AFAP1L2: variants seen among roughly 807,000 people sequenced by gnomAD.
AFAP1L2 encodes actin filament associated protein 1 like 2.
A neutral mutation model predicts 99.3 loss-of-function variants in AFAP1L2; 46 were observed. The observed-to-expected ratio is 0.46, with a 90% CI of 0.37 to 0.59. The LOEUF is 0.59. Ranked by LOEUF, AFAP1L2 falls within the 20% of genes least tolerant of loss-of-function variation. The pLI is 0.00. For synonymous variants in AFAP1L2, 397 were observed against 419.1 expected, an observed-to-expected ratio of 0.95 and a Z score of 0.64; for missense variants, 959 against 1,034.9, an observed-to-expected ratio of 0.93 and a Z score of 1.01.
chr10:114,334,343 A>G (rs990221916), intron 2 of AFAP1L2, among the ~76,000 whole-genome samples: 1 of 152,158 alleles, frequency 6.6e-6, no homozygotes, highest in Non-Finnish European at 1.5e-5. Context: ...CTTCATCAAA[A>G]TCCTCTTGAA....
In AFAP1L2 at chr10:114,382,656, C is replaced by T. The variant is rs146949485; in HGVS notation, c.16+21784G>A. Among the ~76,000 whole-genome samples the T allele has an allele frequency of 4.1e-3, 552 of 135,910 alleles. 4 individuals carry two copies. The highest frequency in any genetic ancestry group is 0.015 in the African/African-American group (525 of 35,598). The allele number at this position is 135,910 out of a possible 152,430, so 89.2% of individuals were successfully genotyped here. On this transcript the variant is annotated intron_variant, in intron 1 of 18. Coordinates refer to ENST00000304129, the MANE Select transcript of AFAP1L2 (RefSeq NM_001001936.3). ...TTGCCCAGGCTGGAGTGCAATGGCACGATCTCAGCTCACTGCCCAACCTCT... is the reference window on the plus strand; with the variant it reads ...TTGCCCAGGCTGGAGTGCAATGGCATGATCTCAGCTCACTGCCCAACCTCT...
intron 1 of AFAP1L2, among the ~76,000 whole-genome samples, chr10:114,373,414 T>C (rs1224216976): frequency 6.6e-6 from 1 of 152,094 alleles, no homozygotes; most frequent in African/African-American, 2.4e-5. Flanking sequence ...TCACCTGAGG[T>C]CAGGTGTTCA....
chr10:114,400,702 T>G (rs1430613311), intron 1 of AFAP1L2, among the ~76,000 whole-genome samples: 1 of 152,210 alleles, frequency 6.6e-6, no homozygotes. Context: ...ACATTTCATG[T>G]TTTTTGGAGG....
intron 1 of AFAP1L2, chr10:114,398,794 G>T (rs1053694375): frequency 7.7e-7 from 1 of 1,293,230 alleles, no homozygotes; most frequent in African/African-American, 1.5e-5. Flanking sequence ...CTGCACCCTC[G>T]GGAGCCCTGG....
intron 2 of AFAP1L2, 56 bp from the exon 3 acceptor site, chr10:114,333,351 C>T (rs531797988): frequency 2.1e-6 from 3 of 1,400,084 alleles, no homozygotes; most frequent in East Asian, 2.3e-5. Context: ...AAAGGGCCTC[C>T]AGCTAGAAAC....
downstream of AFAP1L2, among the ~76,000 whole-genome samples, chr10:114,293,896 T>C (rs1284945797): frequency 6.6e-6 from 1 of 152,252 alleles, no homozygotes; most frequent in East Asian, 1.9e-4. Flanking sequence ...TGAAGTAGCA[T>C]GTATCCATAT....
chr10:114,352,594 C>T lies in AFAP1L2; in HGVS notation c.17-11863G>A, dbSNP rs117145340. Among the ~76,000 whole-genome samples, 1,514 of 151,606 alleles carry T rather than the reference C, an allele frequency of 1.0e-2. 12 individuals carry two copies. Among genetic ancestry groups the T allele is most frequent in the Middle Eastern group, 0.027 (8 of 292 alleles). On this transcript the variant is annotated intron_variant, in intron 1 of 18. Coordinates refer to ENST00000304129, the MANE Select transcript of AFAP1L2 (RefSeq NM_001001936.3). ...AGGTGAGGAGGAATTTGGGTTAAAC[C>T]CTTGCAGGAAACCACCTTCATAGAA... is the stretch of plus-strand genomic sequence containing the variant.
intron 1 of AFAP1L2, among the ~76,000 whole-genome samples, chr10:114,381,278 A>C (rs1223594614): frequency 6.6e-6 from 1 of 152,252 alleles, no homozygotes; most frequent in East Asian, 1.9e-4. Context: ...GAAGTCTGTC[A>C]CAAGAGTCTA....
At chr10:114,286,429 T>C in the AFAP1L2 span, 1 of 1,613,642 alleles carries the variant, frequency 6.2e-7, no homozygotes, top group Non-Finnish European at 8.5e-7. Context: ...GCCCAAAGCA[T>C]GTGATGGTCT....
At chr10:114,291,104 G>T, downstream of AFAP1L2, 1 of 1,225,380 alleles carries the variant, frequency 8.2e-7, no homozygotes, top group Non-Finnish European at 1.2e-6. Flanking sequence ...CTTCTGCTGG[G>T]GGCGAGGTGG....
intron 1 of AFAP1L2, among the ~76,000 whole-genome samples, chr10:114,383,611 C>T (rs1449394937): frequency 6.6e-6 from 1 of 152,142 alleles, no homozygotes; most frequent in Non-Finnish European, 1.5e-5. Flanking sequence ...CACTGAACTC[C>T]TTACAGAGTG....
upstream of AFAP1L2, chr10:114,404,592 G>A: frequency 3.1e-6 from 4 of 1,284,630 alleles, no homozygotes; most frequent in Non-Finnish European, 4.0e-6. Context: ...GGGCCGCCGC[G>A]CCCAGGGTCC....
chr10:114,332,706 A>C (rs2047414073), intron 3 of AFAP1L2, among the ~76,000 whole-genome samples: 2 of 152,240 alleles, frequency 1.3e-5, no homozygotes, highest in South Asian at 4.1e-4. Flanking sequence ...GGAAAAGCAG[A>C]GAGCAGAACA....
intron 1 of AFAP1L2, among the ~76,000 whole-genome samples, chr10:114,387,155 T>G (rs1008937240): frequency 6.6e-6 from 1 of 152,210 alleles, no homozygotes; most frequent in African/African-American, 2.4e-5. Flanking sequence ...CACTGCAGGC[T>G]TCCCTCAGCC....
Position 114,315,950 on chromosome 10 carries a change from C to T in AFAP1L2, c.407-185G>A, listed in dbSNP as rs74157586. 7.9e-3 allele frequency among the ~76,000 whole-genome samples: 1,202 copies of T among 152,332 alleles called. 10 individuals carry two copies. The highest frequency in any genetic ancestry group is 0.023 in the African/African-American group (973 of 41,570). ...GGGCTGGCTTTCCTGCCCCCAAACC[C>T]CTCAGCAAGGCTTCTTGGATGCTGC... is the stretch of plus-strand genomic sequence containing the variant. On this transcript the variant is annotated intron_variant, in intron 5 of 18. Coordinates refer to ENST00000304129, the MANE Select transcript of AFAP1L2 (RefSeq NM_001001936.3).
At chr10:114,404,565 G>C, upstream of AFAP1L2, 7 of 1,363,948 alleles carry the variant, frequency 5.1e-6, no homozygotes, top group Non-Finnish European at 6.6e-6. Context: ...TCACGCTCGC[G>C]GCCGGACCTC....
intron 1 of AFAP1L2, among the ~76,000 whole-genome samples, chr10:114,388,920 G>T (rs1012609485): frequency 6.6e-6 from 1 of 152,202 alleles, no homozygotes; most frequent in Non-Finnish European, 1.5e-5. Flanking sequence ...AGGATGGACA[G>T]GTTGGATGAA....
chr10:114,387,886 C>T (rs574007289), intron 1 of AFAP1L2, among the ~76,000 whole-genome samples: 106 of 152,188 alleles, frequency 7.0e-4, no homozygotes, highest in African/African-American at 2.5e-3. Context: ...TTGGCTTTAC[C>T]TGGTGGGAAG....
At chr10:114,284,787 C>T in the AFAP1L2 span, 4 of 1,395,154 alleles carry the variant, frequency 2.9e-6, no homozygotes, top group Middle Eastern at 2.4e-4. Flanking sequence ...AAGCCAGCTG[C>T]ACCCACACCT....
Sources: gnomAD v4.1 joint callset for allele counts (sites outside exome capture counted in the v4.1 genomes callset) on GRCh38, gnomAD v4.1.1 for gene constraint, MANE v1.5 for transcripts, NCBI Gene and HGNC (gene_info 2026-07-23, HGNC 2026-07-21) for gene names.